The following PCMT1 variants were observed in gnomAD, a reference collection of about 807,000 sequenced individuals.
PCMT1 encodes the protein protein-L-isoaspartate(D-aspartate) O-methyltransferase.
Under a neutral mutation model 29.2 loss-of-function variants are expected in PCMT1, and 9 were observed. The ratio of observed to expected loss-of-function variants is 0.31; its 90% CI spans 0.19 to 0.54. The LOEUF is 0.54. Among genes scored for constraint, PCMT1 ranks in the 20% least tolerant of loss-of-function variants. The pLI is 0.95. For missense variants in PCMT1, 184 were observed against 282.2 expected, an observed-to-expected ratio of 0.65 and a Z score of 2.49; for synonymous variants, 98 against 97.5, an observed-to-expected ratio of 1.00 and a Z score of -0.03.
chr6:149,805,173 G>A (rs563914807), intron 7 of PCMT1, among the ~76,000 whole-genome samples: 7 of 152,278 alleles, frequency 4.6e-5, no homozygotes, highest in African/African-American at 1.7e-4. Context: ...GCCCAGAAGC[G>A]GCAGTGAGCT....
chr6:149,786,014 G>T lies in PCMT1; in HGVS notation c.193-3940G>T, dbSNP rs575134877. Among the ~76,000 whole-genome samples, 8 of 148,122 alleles carry T rather than the reference G, an allele frequency of 5.4e-5. No individual in the cohort carries two copies. The South Asian group carries it at 1.5e-3, about 28-fold the overall frequency. ...CAGAGGCGCCCCTCACCTCCCGGAC[G>T]GGGCGGCTGGCCGGGCGGGGGGCTG... is the stretch of plus-strand genomic sequence containing the variant. On this transcript the variant is annotated intron_variant, in intron 3 of 7. Transcript: ENST00000464889.
rs1479498916 is a variant in PCMT1, at chr6:149,762,823, GAT to G, written c.56-8332_56-8331del. Among the ~76,000 whole-genome samples, 3 of 45,206 alleles carry G rather than the reference GAT, an allele frequency of 6.6e-5. 1 individual carries two copies. Among genetic ancestry groups the G allele is most frequent in the Non-Finnish European group, 9.0e-5 (3 of 33,364 alleles). 29.7% of individuals were successfully genotyped at this position (45,206 alleles called of 152,430 possible). A position where few individuals can be genotyped will look rare whatever the true frequency, so the allele number is the denominator to read the frequency against. On this transcript the variant is annotated intron_variant, in intron 1 of 7. Transcript: ENST00000464889. ...GATATATATATCTATGATAATCTATGATATATATGATATATATATCTATGATA... is the reference window on the plus strand; with the variant it reads ...GATATATATATCTATGATAATCTATGATATATGATATATATATCTATGATA...
At chr6:149,770,863 G>A (rs1787288098) in intron 1 of PCMT1, among the ~76,000 whole-genome samples, 1 of 147,014 alleles carries the variant, frequency 6.8e-6, no homozygotes, top group African/African-American at 2.6e-5. Flanking sequence ...GCCAGGCGTG[G>A]TGGCGGGCAC....
At chr6:149,784,236 G>T in intron 3 of PCMT1, among the ~76,000 whole-genome samples, 1 of 152,140 alleles carries the variant, frequency 6.6e-6, no homozygotes, top group East Asian at 1.9e-4. Flanking sequence ...ATCTATTCAA[G>T]GCCTTCTCTC....
In PCMT1 at chr6:149,811,183, A is replaced by T. The variant is rs4552; in HGVS notation, c.*605A>T. 81,279 of 152,562 alleles carry T rather than the reference A, an allele frequency of 0.53. 24,873 individuals carry two copies. Among genetic ancestry groups the T allele is most frequent in the East Asian group, 0.83 (4,296 of 5,180 alleles). 9.5% of individuals were successfully genotyped at this position (152,562 alleles called of 1,614,324 possible). ...ACTAGGCATTTGTAAATATTAAACC[A>T]TAAGATGGCAGGTGATGTCCTGTAA... On this transcript the variant is annotated 3_prime_UTR_variant, in exon 8 of 8. Coordinates refer to ENST00000464889, the MANE Select transcript of PCMT1 (RefSeq NM_001360452.2).
At chr6:149,777,513 G>A (rs1402306411) in intron 3 of PCMT1, among the ~76,000 whole-genome samples, 1 of 152,106 alleles carries the variant, frequency 6.6e-6, no homozygotes, top group Non-Finnish European at 1.5e-5. Flanking sequence ...AAGAAATGCA[G>A]TATAATACTT....
chr6:149,762,922 TC>T (rs1282708832), intron 1 of PCMT1, among the ~76,000 whole-genome samples: 2 of 60,146 alleles, frequency 3.3e-5, no homozygotes, highest in Admixed American at 2.9e-4. Context: ...GATATATATA[TC>T]TATGATATAT....
chr6:149,793,075 A>G (rs1254749764), intron 4 of PCMT1, among the ~76,000 whole-genome samples: 1 of 151,776 alleles, frequency 6.6e-6, no homozygotes, highest in African/African-American at 2.4e-5. Flanking sequence ...AGGCAGGAGA[A>G]TTGCTTGAAC....
chr6:149,749,720 C>G (rs1434422158), upstream of PCMT1: 3 of 1,538,152 alleles, frequency 2.0e-6, 1 homozygote, highest in South Asian at 3.6e-5. Flanking sequence ...GCATGCGTGC[C>G]GCGGGGGATG....
chr6:149,758,977 A>G (rs1248382853), intron 1 of PCMT1, among the ~76,000 whole-genome samples: 1 of 152,002 alleles, frequency 6.6e-6, no homozygotes, highest in African/African-American at 2.4e-5. Context: ...TGTGGGTTCA[A>G]GTGATTCTCC....
chr6:149,765,227 G>T (rs1474665986), intron 1 of PCMT1, among the ~76,000 whole-genome samples: 1 of 149,674 alleles, frequency 6.7e-6, no homozygotes, highest in African/African-American at 2.5e-5. Context: ...GGGTGTGGTG[G>T]CGGGTGCCTG....
chr6:149,771,389 C>G, intron 2 of PCMT1, 123 bp downstream of exon 2: 1 of 533,534 alleles, frequency 1.9e-6, no homozygotes, highest in East Asian at 3.0e-5. Context: ...AATTTTATGA[C>G]TCAGCAAGTT....
intron 3 of PCMT1, among the ~76,000 whole-genome samples, chr6:149,781,902 C>A (rs1435520507): frequency 6.6e-6 from 1 of 152,210 alleles, no homozygotes; most frequent in South Asian, 2.1e-4. Flanking sequence ...CCACTTTTCT[C>A]ATTCTTTCTT....
intron 3 of PCMT1, among the ~76,000 whole-genome samples, chr6:149,774,705 CT>C (rs35453827): frequency 0.057 from 6,853 of 119,648 alleles, 146 homozygotes; most frequent in Middle Eastern, 0.1. Context: ...ACCTGGCTAA[CT>C]TTTTTTTTTT....
At chr6:149,774,325 C>T (rs1316486989) in intron 3 of PCMT1, among the ~76,000 whole-genome samples, 3 of 151,534 alleles carry the variant, frequency 2.0e-5, no homozygotes, top group South Asian at 2.1e-4. Context: ...CTGCAACCTC[C>T]GCCTCCTGGG....
Position 149,771,161 on chromosome 6 carries a change from G to C in PCMT1, c.56-1G>C. ...GAAAATATTTGCCTCACTTGTTTCA[G>C]AAAATGGAATCATCAAGACAGATAA... is the stretch of plus-strand genomic sequence containing the variant. On this transcript the variant is annotated splice_acceptor_variant, in intron 1 of 7. Coordinates refer to ENST00000464889, the MANE Select transcript of PCMT1 (RefSeq NM_001360452.2). LOFTEE classifies it high-confidence loss of function. 1 of 1,588,846 alleles carries C rather than the reference G, an allele frequency of 6.3e-7. No homozygotes were observed. The highest frequency in any genetic ancestry group is 8.6e-7 in the Non-Finnish European group (1 of 1,160,622).
At chr6:149,771,064 C>T in intron 1 of PCMT1, 98 bp from the exon 2 acceptor site, 1 of 614,858 alleles carries the variant, frequency 1.6e-6, no homozygotes, top group South Asian at 2.6e-5. Flanking sequence ...ATCATTCTCT[C>T]TTCCAGTTCA....
chr6:149,790,203 G>T (rs1292852292), intron 4 of PCMT1, 145 bp downstream of exon 4: 1 of 597,228 alleles, frequency 1.7e-6, no homozygotes, highest in East Asian at 2.8e-5. Context: ...TTAGGATTTT[G>T]TTGTTGTTGC....
At chr6:149,788,165 G>A (rs573856933) in intron 3 of PCMT1, among the ~76,000 whole-genome samples, 3 of 151,438 alleles carry the variant, frequency 2.0e-5, no homozygotes, top group South Asian at 4.2e-4. Flanking sequence ...GATCCGCCTC[G>A]GCCTCCCAAA....
Sources: gnomAD v4.1 joint callset for allele counts (sites outside exome capture counted in the v4.1 genomes callset) on GRCh38, gnomAD v4.1.1 for gene constraint, MANE v1.5 for transcripts, NCBI Gene and HGNC (gene_info 2026-07-23, HGNC 2026-07-21) for gene names.